Variants in LMBR1 observed in about 807,000 individuals in gnomAD.
The protein encoded by LMBR1 is limb development membrane protein 1, also known as limb region 1 protein homolog.
LMBR1 carries 52 observed loss-of-function variants against 73.9 expected under a neutral mutation model. The observed-to-expected ratio is 0.70, with a 90% CI of 0.56 to 0.89. LMBR1 has a LOEUF of 0.89. LMBR1 is among the 40% of genes least tolerant of loss of function. The pLI is 0.00. For missense variants in LMBR1, 539 were observed against 579.8 expected (o/e 0.93, Z 0.72); for synonymous variants, 215 against 209.4 (o/e 1.03, Z -0.23).
Position 156,680,399 on chromosome 7 carries a change from A to AGTGTGTGTGTGTGTGTGTGTGTGTGTGT in LMBR1, c.*3678_*3679insACACACACACACACACACACACACACAC, listed in dbSNP as rs1331225134. 28 of 136,656 alleles carry AGTGTGTGTGTGTGTGTGTGTGTGTGTGT rather than the reference A, an allele frequency of 2.0e-4. No individual in the cohort carries two copies. The highest frequency in any genetic ancestry group is 7.9e-4 in the African/African-American group (27 of 34,028). 8.5% of individuals were successfully genotyped at this position (136,656 alleles called of 1,614,324 possible). A position where few individuals can be genotyped will look rare whatever the true frequency, so the allele number is the denominator to read the frequency against. The stretch of plus-strand genomic sequence containing the variant: ...GACAGAGAGAGAGAGAGAGAGAGAG[A>AGTGTGTGTGTGTGTGTGTGTGTGTGTGT]GAGAGTGTGTGTGTGTGTGTGTGTG... On this transcript the variant is annotated 3_prime_UTR_variant, in exon 17 of 17. Coordinates refer to ENST00000353442, the MANE Select transcript of LMBR1 (RefSeq NM_022458.4).
In LMBR1 at chr7:156,847,712, C is replaced by T. The variant is rs572606333; in HGVS notation, c.67-10827G>A. 1.1e-4 allele frequency among the ~76,000 whole-genome samples: 17 copies of T among 152,246 alleles called. No homozygotes were observed. The South Asian group carries it at 3.1e-3, about 28-fold the overall frequency. ...CAACACAAAGTAAAACAACAAGATA[C>T]CTGTGATGACACACCTATTAGAATG... On this transcript the variant is annotated intron_variant, in intron 1 of 16. Transcript: ENST00000353442.
intron 1 of LMBR1, among the ~76,000 whole-genome samples, chr7:156,874,788 C>G (rs1441893426): frequency 6.6e-6 from 1 of 152,226 alleles, no homozygotes; most frequent in Non-Finnish European, 1.5e-5. Context: ...ACAAAAGAAT[C>G]TGTACAGCAG....
intron 1 of LMBR1, among the ~76,000 whole-genome samples, chr7:156,890,753 T>TAC (rs1290807660): frequency 6.6e-6 from 1 of 152,202 alleles, no homozygotes; most frequent in Non-Finnish European, 1.5e-5. Context: ...GGCGGAAGTG[T>TAC]ACACTGGTAC....
rs1804342940 is a variant in LMBR1 at position 156,677,809 on chromosome 7, T to C, written c.*6269A>G. 1 of 152,374 alleles carries C rather than the reference T, an allele frequency of 6.6e-6. No individual in the cohort carries two copies. The highest frequency in any genetic ancestry group is 2.4e-5 in the African/African-American group (1 of 41,588). The allele number at this position is 152,374 out of a possible 1,614,324, so 9.4% of individuals were successfully genotyped here. ...GTGCTCATTTTTTAAGGATGTATAC[T>C]ATCAAAAAATTTGCAGACTAATTTG... On this transcript the variant is annotated 3_prime_UTR_variant, in exon 17 of 17. Transcript: ENST00000353442.
Position 156,815,834 on chromosome 7 carries a change from GA to G in LMBR1, c.319+10770del, listed in dbSNP as rs1296000629. The stretch of plus-strand genomic sequence containing the variant: ...GTCCACTATGCTTTTATATTCAGAA[GA>G]AAAAAAGTTTAAAATCTATTTCTAA... On this transcript the variant is annotated intron_variant, in intron 4 of 16. Transcript: ENST00000353442. Among the ~76,000 whole-genome samples, 11 of 151,884 alleles carry G rather than the reference GA, an allele frequency of 7.2e-5. No individual in the cohort carries two copies. The South Asian group carries it at 1.7e-3, about 23-fold the overall frequency.
intron 4 of LMBR1, among the ~76,000 whole-genome samples, chr7:156,801,207 T>C (rs962223210): frequency 4.6e-5 from 7 of 152,178 alleles, no homozygotes; most frequent in African/African-American, 1.7e-4. Flanking sequence ...TCAATCAATA[T>C]GGCAAACTAC....
At chr7:156,718,870 T>A (rs1813819438) in intron 15 of LMBR1, among the ~76,000 whole-genome samples, 1 of 152,188 alleles carries the variant, frequency 6.6e-6, no homozygotes, top group Non-Finnish European at 1.5e-5. Context: ...TACTTTTTTT[T>A]TTTTACATAA....
At chr7:156,793,476 G>T (rs2133346057) in intron 5 of LMBR1, among the ~76,000 whole-genome samples, 1 of 152,270 alleles carries the variant, frequency 6.6e-6, no homozygotes, top group East Asian at 1.9e-4. Context: ...AAACAAGTTT[G>T]TTTCAAAGTA....
intron 15 of LMBR1, among the ~76,000 whole-genome samples, chr7:156,690,819 A>C (rs770588626): frequency 6.6e-6 from 1 of 152,236 alleles, no homozygotes; most frequent in African/African-American, 2.4e-5. Context: ...ACCAACACAC[A>C]GTTCTTCAAT....
intron 3 of LMBR1, among the ~76,000 whole-genome samples, chr7:156,827,861 A>G (rs77291761): frequency 0.028 from 4,256 of 152,320 alleles, 202 homozygotes; most frequent in African/African-American, 0.097. Context: ...TAGTAAATCA[A>G]TTATAAATTT....
chr7:156,688,029 C>T lies in LMBR1; in HGVS notation c.1387+1G>A. Reference sequence around the variant, plus strand: ...AAAATACCCATAAACCTCAGGATTACCTAGGGCCTTGAAAAGTTCTTCTCG... The same window carrying T: ...AAAATACCCATAAACCTCAGGATTATCTAGGGCCTTGAAAAGTTCTTCTCG... On this transcript the variant is annotated splice_donor_variant, in intron 16 of 16. Coordinates refer to ENST00000353442, the MANE Select transcript of LMBR1 (RefSeq NM_022458.4). LOFTEE classifies it high-confidence loss of function. The T allele has an allele frequency of 6.3e-7, 1 of 1,596,898 alleles. No homozygotes were observed.
intron 1 of LMBR1, among the ~76,000 whole-genome samples, chr7:156,891,438 A>C (rs1239569249): frequency 2.0e-5 from 3 of 151,868 alleles, no homozygotes; most frequent in Non-Finnish European, 4.4e-5. Context: ...ATTGTACAAG[A>C]AACTGGACAC....
At chr7:156,829,080 A>G (rs1836203882) in intron 3 of LMBR1, among the ~76,000 whole-genome samples, 1 of 152,216 alleles carries the variant, frequency 6.6e-6, no homozygotes, top group South Asian at 2.1e-4. Context: ...TAGATTGTAC[A>G]ATCCGACCCC....
At position 156,891,212 on chromosome 7, in the gene LMBR1, ATAT is replaced by A. The variant is rs1233329126; in HGVS notation, c.66+1713_66+1715del. ...TCACAAAAAAAAAAAAAAAAAAAAA[ATAT>A]ATATATATATATATATATACACACA... On this transcript the variant is annotated intron_variant, in intron 1 of 16. Coordinates refer to ENST00000353442, the MANE Select transcript of LMBR1 (RefSeq NM_022458.4). Among the ~76,000 whole-genome samples, 251 of 44,434 alleles carry A rather than the reference ATAT, an allele frequency of 5.6e-3. 1 individual carries two copies. Among genetic ancestry groups the A allele is most frequent in the South Asian group, 9.0e-3 (8 of 892 alleles). 29.2% of individuals were successfully genotyped at this position (44,434 alleles called of 152,430 possible). A position where few individuals can be genotyped will look rare whatever the true frequency, so the allele number is the denominator to read the frequency against.
chr7:156,763,261 CT>C, intron 6 of LMBR1, 85 bp from the exon 7 acceptor site: 1 of 576,122 alleles, frequency 1.7e-6, no homozygotes, highest in Non-Finnish European at 3.0e-6. Context: ...AAGATAGAGG[CT>C]GACTGTACCT....
chr7:156,806,188 T>C (rs1182696967), intron 4 of LMBR1, among the ~76,000 whole-genome samples: 1 of 152,210 alleles, frequency 6.6e-6, no homozygotes, highest in Non-Finnish European at 1.5e-5. Context: ...TCTTAGTTTA[T>C]AGTACTTAGG....
At chr7:156,712,939 C>T (rs913195173) in intron 15 of LMBR1, among the ~76,000 whole-genome samples, 3 of 152,152 alleles carry the variant, frequency 2.0e-5, no homozygotes, top group Non-Finnish European at 4.4e-5. Flanking sequence ...AGACACCCTA[C>T]AAGCCCTGAC....
chr7:156,763,861 C>T, intron 5 of LMBR1, 66 bp from the exon 6 acceptor site: 1 of 1,343,884 alleles, frequency 7.4e-7, no homozygotes, highest in Admixed American at 2.6e-5. Flanking sequence ...AAGGTTTCTG[C>T]CTATATGAAA....
intron 1 of LMBR1, among the ~76,000 whole-genome samples, chr7:156,886,350 A>G (rs1260858314): frequency 6.6e-6 from 1 of 152,212 alleles, no homozygotes; most frequent in African/African-American, 2.4e-5. Context: ...GAATATTCAC[A>G]AAGTGGGGGA....
Sources: gnomAD v4.1 joint callset for allele counts (sites outside exome capture counted in the v4.1 genomes callset) on GRCh38, gnomAD v4.1.1 for gene constraint, MANE v1.5 for transcripts, NCBI Gene and HGNC (gene_info 2026-07-23, HGNC 2026-07-21) for gene names.